Variants in DAB1 observed in about 807,000 individuals in gnomAD.
The protein encoded by DAB1 is disabled homolog 1.
In DAB1, 15 loss-of-function variants were observed where a neutral mutation model predicts 64.6. The ratio of observed to expected loss-of-function variants is 0.23; its 90% CI spans 0.16 to 0.36. The LOEUF is 0.36. DAB1 is among the 10% of genes least tolerant of loss of function. The probability of loss-of-function intolerance (pLI) is 1.00; values close to 1 mark genes in which losing one functional copy is unlikely to be tolerated. For missense variants in DAB1, 596 were observed against 706.7 expected (o/e 0.84, Z 1.78); for synonymous variants, 235 against 251.9 (o/e 0.93, Z 0.64).
At chr1:57,217,982 A>T (rs1666553385) in intron 2 of DAB1, among the ~76,000 whole-genome samples, 1 of 152,290 alleles carries the variant, frequency 6.6e-6, no homozygotes, top group Non-Finnish European at 1.5e-5. Flanking sequence ...AAACACAAAC[A>T]GTAATCAGTG....
intron 4 of DAB1, among the ~76,000 whole-genome samples, chr1:58,251,396 A>G (rs1189994139): frequency 1.3e-5 from 2 of 152,210 alleles, no homozygotes; most frequent in East Asian, 3.8e-4. Context: ...AAACTATTGG[A>G]TAGTAATAAT....
intron 3 of DAB1, among the ~76,000 whole-genome samples, chr1:58,448,144 C>T (rs1645092176): frequency 6.6e-6 from 1 of 152,154 alleles, no homozygotes; most frequent in African/African-American, 2.4e-5. Flanking sequence ...CTGTGTCTCC[C>T]AGCAAACATA....
In DAB1 at chr1:57,128,756, G is replaced by T. The variant is rs1472774047; in HGVS notation, c.306+7787C>A. Among the ~76,000 whole-genome samples, 3 of 152,100 alleles carry T rather than the reference G, an allele frequency of 2.0e-5. No individual in the cohort carries two copies. The South Asian group carries it at 6.2e-4, about 32-fold the overall frequency. Reference sequence around the variant, plus strand: ...CCCAAATAGTCACTGTAAATCTTCAGTCACAGGGCCTGTATGCATGCTGAC... The same window carrying T: ...CCCAAATAGTCACTGTAAATCTTCATTCACAGGGCCTGTATGCATGCTGAC... On this transcript the variant is annotated intron_variant, in intron 4 of 14. Coordinates refer to ENST00000371236, the MANE Select transcript of DAB1 (RefSeq NM_001365792.1).
intron 4 of DAB1, among the ~76,000 whole-genome samples, chr1:57,073,158 A>T (rs1344216566): frequency 3.3e-5 from 5 of 152,154 alleles, no homozygotes; most frequent in Non-Finnish European, 7.3e-5. Context: ...GTGTATCTGT[A>T]GAACTTTACT....
intron 3 of DAB1, among the ~76,000 whole-genome samples, chr1:58,494,872 G>A (rs182683398): frequency 0.01 from 1,590 of 152,208 alleles, 7 homozygotes; most frequent in South Asian, 0.04. Flanking sequence ...GATTCCTCAG[G>A]GATCTAGAAC....
intron 3 of DAB1, among the ~76,000 whole-genome samples, chr1:57,141,171 T>C (rs1041783520): frequency 1.3e-5 from 2 of 152,148 alleles, no homozygotes; most frequent in African/African-American, 4.8e-5. Context: ...AAAAAATTCA[T>C]TCTAAGTTTC....
At chr1:58,477,117 G>A (rs1645426605) in intron 3 of DAB1, among the ~76,000 whole-genome samples, 1 of 152,110 alleles carries the variant, frequency 6.6e-6, no homozygotes, top group Non-Finnish European at 1.5e-5. Context: ...TGCATACTTG[G>A]ACCACTTGCC....
intron 3 of DAB1, among the ~76,000 whole-genome samples, chr1:58,477,468 C>A (rs1301329614): frequency 2.0e-5 from 3 of 152,112 alleles, no homozygotes; most frequent in Non-Finnish European, 2.9e-5. Flanking sequence ...CACGCAGTAG[C>A]CATTCTGTTT....
At chr1:58,221,672 TCA>T (rs992949132) in intron 4 of DAB1, among the ~76,000 whole-genome samples, 2 of 152,208 alleles carry the variant, frequency 1.3e-5, no homozygotes, top group African/African-American at 4.8e-5. Flanking sequence ...TCTGGTGACT[TCA>T]CAGAGTTCCC....
chr1:58,440,416 AC>A (rs1308025601), intron 3 of DAB1, among the ~76,000 whole-genome samples: 3 of 152,242 alleles, frequency 2.0e-5, no homozygotes, highest in African/African-American at 7.2e-5. Flanking sequence ...TCGCAGGAGC[AC>A]AAGAGGAGGG....
At chr1:57,136,338 A>ACC (rs1433658024) in intron 4 of DAB1, among the ~76,000 whole-genome samples, 1 of 152,216 alleles carries the variant, frequency 6.6e-6, no homozygotes, top group Non-Finnish European at 1.5e-5. Flanking sequence ...TATCACCATT[A>ACC]CACTATAAGA....
chr1:57,207,005 G>C (rs1389778137), intron 2 of DAB1, among the ~76,000 whole-genome samples: 1 of 69,472 alleles, frequency 1.4e-5, no homozygotes, highest in South Asian at 4.9e-4. Flanking sequence ...TTTCGCTCTT[G>C]TTGCCCAGGC....
At chr1:58,046,657 C>A (rs1381630402) in intron 5 of DAB1, among the ~76,000 whole-genome samples, 1 of 152,174 alleles carries the variant, frequency 6.6e-6, no homozygotes, top group African/African-American at 2.4e-5. Context: ...TGGTTACTGT[C>A]CATCTGGTAT....
intron 7 of DAB1, among the ~76,000 whole-genome samples, chr1:57,457,723 C>T (rs1686649657): frequency 6.6e-6 from 1 of 151,894 alleles, no homozygotes; most frequent in Non-Finnish European, 1.5e-5. Context: ...TGATGAAGAG[C>T]AGAGATGTGA....
intron 2 of DAB1, among the ~76,000 whole-genome samples, chr1:57,180,515 G>C (rs1004373765): frequency 6.6e-6 from 1 of 152,198 alleles, no homozygotes; most frequent in Non-Finnish European, 1.5e-5. Flanking sequence ...AAGACTTGCG[G>C]ATGGGGGGTA....
At chr1:57,550,127 C>T (rs915630657) in intron 7 of DAB1, among the ~76,000 whole-genome samples, 1 of 152,144 alleles carries the variant, frequency 6.6e-6, no homozygotes, top group Non-Finnish European at 1.5e-5. Flanking sequence ...AGGATTTGTG[C>T]ACCTCAGTTT....
intron 9 of DAB1, among the ~76,000 whole-genome samples, chr1:57,036,716 G>T (rs572162704): frequency 6.6e-6 from 1 of 151,854 alleles, no homozygotes; most frequent in Admixed American, 6.6e-5. Context: ...AAATTTACTC[G>T]CAACTTAAGC....
Position 58,103,688 on chromosome 1 carries a change from C to T in DAB1, n.387+46823G>A, listed in dbSNP as rs187033411. On this transcript the variant is annotated intron_variant and non_coding_transcript_variant, in intron 5 of 20. Coordinates refer to the DAB1 transcript ENST00000485760. Reference sequence around the variant, plus strand: ...CAATATTGCATTGAGTATTAACTTACCTTGATGACTGGGTGTTAGTATCCC... The same window carrying T: ...CAATATTGCATTGAGTATTAACTTATCTTGATGACTGGGTGTTAGTATCCC... Among the ~76,000 whole-genome samples the T allele has an allele frequency of 6.3e-3, 952 of 152,174 alleles. 8 individuals carry two copies. Among genetic ancestry groups the T allele is most frequent in the African/African-American group, 0.022 (895 of 41,506 alleles).
intron 1 of DAB1, among the ~76,000 whole-genome samples, chr1:57,393,101 A>G (rs4912247): frequency 0.37 from 56,607 of 152,032 alleles, 10,991 homozygotes; most frequent in Non-Finnish European, 0.43. Flanking sequence ...ATATGTATAC[A>G]TTGTGGAATG....
Sources: allele counts gnomAD v4.1 joint callset (sites outside exome capture counted in the v4.1 genomes callset), GRCh38; gene constraint gnomAD v4.1.1; transcripts MANE v1.5; gene names NCBI Gene and HGNC (gene_info 2026-07-23, HGNC 2026-07-21).